TSC22D1: variants seen among roughly 807,000 people sequenced by gnomAD.
The protein encoded by TSC22D1 is TSC22 domain family member 1.
A neutral mutation model predicts 74.2 loss-of-function variants in TSC22D1; 9 were observed. That is an observed-to-expected ratio of 0.12 (90% confidence interval 0.07 to 0.21). The LOEUF (loss-of-function observed/expected upper bound fraction) is 0.21. Ranked by LOEUF, TSC22D1 falls within the 10% of genes least tolerant of loss-of-function variation. The pLI, the probability that TSC22D1 is intolerant of heterozygous loss-of-function variation, is 1.00. For missense variants in TSC22D1, 1,427 were observed against 1,304.7 expected (o/e 1.09, Z -1.44); for synonymous variants, 586 against 492.5 (o/e 1.19, Z -2.51).
intron 1 of TSC22D1, among the ~76,000 whole-genome samples, chr13:44,489,059 T>A (rs1878580796): frequency 6.6e-6 from 1 of 152,122 alleles, no homozygotes; most frequent in African/African-American, 2.4e-5. Context: ...AAGAATAGAT[T>A]GCAGAAATGA....
intron 1 of TSC22D1, among the ~76,000 whole-genome samples, chr13:44,490,564 G>A (rs901971212): frequency 4.1e-4 from 62 of 151,928 alleles, no homozygotes; most frequent in Admixed American, 6.6e-4. Flanking sequence ...ATGACATTGA[G>A]GTAATAAAAG....
chr13:44,573,600 G>C lies in TSC22D1; in HGVS notation c.2475C>G (p.Pro825=). The C allele has an allele frequency of 2.5e-6, 4 of 1,614,236 alleles. No homozygotes were observed. Among genetic ancestry groups the C allele is most frequent in the Non-Finnish European group, 3.4e-6 (4 of 1,180,046 alleles). ...TTGTAACAGAAATACTACTAGCAGA[G>C]GGCAAAGAACTAACTGCAGGCAACT... ...SQQLPAVSSL[P]SASSISVTSQ... is the part of the protein sequence containing the mutation. Residue 825 remains proline (P), a synonymous_variant, in exon 1 of 3, where the codon CCC becomes CCG. Transcript: ENST00000458659.
intron 1 of TSC22D1, among the ~76,000 whole-genome samples, chr13:44,501,178 A>G (rs1879206611): frequency 6.6e-6 from 1 of 152,188 alleles, no homozygotes; most frequent in African/African-American, 2.4e-5. Context: ...GTGAGGGACA[A>G]TTTAGAAGGT....
chr13:44,529,359 CA>C (rs1280388301), intron 1 of TSC22D1, among the ~76,000 whole-genome samples: 1 of 151,728 alleles, frequency 6.6e-6, no homozygotes, highest in African/African-American at 2.4e-5. Flanking sequence ...AAGCACATGA[CA>C]AAAATCCAAC....
intron 1 of TSC22D1, among the ~76,000 whole-genome samples, chr13:44,508,494 C>T (rs144123842): frequency 6.6e-6 from 1 of 152,266 alleles, no homozygotes; most frequent in African/African-American, 2.4e-5. Flanking sequence ...CAGTTTAACA[C>T]TGCCACCTGG....
rs185737567 is a variant in TSC22D1, at chr13:44,515,792, A to G, written c.2912+57371T>C. On this transcript the variant is annotated intron_variant, in intron 1 of 2. Transcript: ENST00000458659. ...ATGTATATATCTGAAATAACATATA[A>G]AAAACTTAATAGTGGCTGCCTAGGG... is the stretch of plus-strand genomic sequence containing the variant. Among the ~76,000 whole-genome samples, 3 of 152,362 alleles carry G rather than the reference A, an allele frequency of 2.0e-5. No individual in the cohort carries two copies. In the East Asian group the frequency reaches 5.8e-4, roughly 29 times the overall value.
In TSC22D1 at chr13:44,479,714, G is replaced by A. The variant is rs971968550; in HGVS notation, c.2913-43619C>T. Among the ~76,000 whole-genome samples the A allele has an allele frequency of 2.0e-5, 3 of 152,268 alleles. No individual in the cohort carries two copies. In the East Asian group the frequency reaches 5.8e-4, roughly 29 times the overall value. On this transcript the variant is annotated intron_variant, in intron 1 of 2. Coordinates refer to ENST00000458659, the MANE Select transcript of TSC22D1 (RefSeq NM_183422.4). ...CACCAAATGAGACAACTCATCACCT[G>A]TATGCTAAATCTGAGTCACTAAGGA...
intron 1 of TSC22D1, among the ~76,000 whole-genome samples, chr13:44,458,099 A>T (rs1299512821): frequency 6.6e-6 from 1 of 152,208 alleles, no homozygotes; most frequent in Non-Finnish European, 1.5e-5. Context: ...CTTTCCAGTC[A>T]CTATATTCTA....
chr13:44,559,733 C>T (rs1324243810), intron 1 of TSC22D1, among the ~76,000 whole-genome samples: 2 of 151,618 alleles, frequency 1.3e-5, no homozygotes. Flanking sequence ...CTCTGCTGCC[C>T]AGGCTGGAGT....
chr13:44,507,475 T>C (rs781280611), intron 1 of TSC22D1, among the ~76,000 whole-genome samples: 44 of 152,150 alleles, frequency 2.9e-4, no homozygotes, highest in Non-Finnish European at 8.8e-5. Flanking sequence ...TTTACTTTTT[T>C]TTTTTAATGT....
intron 1 of TSC22D1, among the ~76,000 whole-genome samples, chr13:44,446,838 GGAAGAA>G (rs368465886): frequency 2.3e-5 from 3 of 130,376 alleles, no homozygotes; most frequent in Admixed American, 1.7e-4. Flanking sequence ...AAGAGGAGGA[GGAAGAA>G]GAAGAAGAGG....
Position 44,484,032 on chromosome 13 carries a change from T to C in TSC22D1, c.2913-47937A>G, listed in dbSNP as rs113015912. On this transcript the variant is annotated intron_variant, in intron 1 of 2. Transcript: ENST00000458659. ...CCTAATTTTGCTTAAGCTGAACACA[T>C]AGGTATCTTATACACGAATCTTGGC... Among the ~76,000 whole-genome samples the C allele has an allele frequency of 3.0e-3, 453 of 152,338 alleles. 1 individual carries two copies. The highest frequency in any genetic ancestry group is 5.3e-3 in the Non-Finnish European group (361 of 68,024).
rs745468461 is a variant in TSC22D1, at chr13:44,573,371, A to T, written c.2704T>A (p.Leu902Ile). 1 of 1,614,250 alleles carries T rather than the reference A, an allele frequency of 6.2e-7. No individual in the cohort carries two copies. Among genetic ancestry groups the T allele is most frequent in the East Asian group, 2.2e-5 (1 of 44,890 alleles). Residue 902 changes from leucine (L) to isoleucine (I), a missense_variant, in exon 1 of 3, where the codon TTA becomes ATA. Physicochemically the swap from Leu to Ile is conservative, Grantham distance 5. This residue lies in a region of TSC22D1 where 1,343 missense variants were observed against 1,191.5 expected (regional missense o/e 1.13). Transcript: ENST00000458659. ...ATTTGGCTTCCAATTGCCTGAGCTA[A>T]TGATTGTGCGGAGAACTGGGTAGAA... ...LSSTQFSAQS[L>I]AQAIGSQIED...
intron 1 of TSC22D1, among the ~76,000 whole-genome samples, chr13:44,481,556 G>A (rs1052012950): frequency 9.9e-5 from 15 of 152,192 alleles, no homozygotes; most frequent in African/African-American, 3.6e-4. Context: ...CTGTGATACA[G>A]ACACTTTCAT....
chr13:44,455,717 C>T (rs891684885), intron 1 of TSC22D1, among the ~76,000 whole-genome samples: 4 of 152,118 alleles, frequency 2.6e-5, no homozygotes, highest in South Asian at 2.1e-4. Flanking sequence ...GAGAATTAAT[C>T]GCATAGGGAA....
At chr13:44,539,432 A>T (rs1881334008) in intron 1 of TSC22D1, 1 of 985,290 alleles carries the variant, frequency 1.0e-6, no homozygotes, top group Non-Finnish European at 1.2e-6. Context: ...AGAACCTTTT[A>T]AATTACTTGA....
At chr13:44,512,013 C>T (rs906069524) in intron 1 of TSC22D1, among the ~76,000 whole-genome samples, 1 of 152,142 alleles carries the variant, frequency 6.6e-6, no homozygotes, top group Non-Finnish European at 1.5e-5. Context: ...TCAGGGCAAT[C>T]GCATTTATTC....
At chr13:44,438,782 A>G (rs1874947965) in intron 1 of TSC22D1, among the ~76,000 whole-genome samples, 1 of 152,194 alleles carries the variant, frequency 6.6e-6, no homozygotes, top group Admixed American at 6.5e-5. Context: ...TGTGGTCCCT[A>G]TGTCTATGAA....
intron 1 of TSC22D1, among the ~76,000 whole-genome samples, chr13:44,501,032 C>T (rs187255191): frequency 2.7e-4 from 41 of 152,216 alleles, no homozygotes; most frequent in African/African-American, 9.6e-4. Context: ...CCTTCATGTG[C>T]CAGAGGAATT....
Sources: allele counts gnomAD v4.1 joint callset (sites outside exome capture counted in the v4.1 genomes callset), GRCh38; gene constraint gnomAD v4.1.1; regional missense constraint gnomAD v4.1.1; transcripts MANE v1.5; gene names NCBI Gene and HGNC (gene_info 2026-07-23, HGNC 2026-07-21).